TBX2: variants seen among roughly 807,000 people sequenced by gnomAD.
TBX2 encodes the protein T-box transcription factor 2.
A neutral mutation model predicts 48.4 loss-of-function variants in TBX2; 19 were observed. The observed-to-expected ratio is 0.39, with a 90% CI of 0.27 to 0.58. TBX2 has a LOEUF of 0.58. Ranked by LOEUF, TBX2 falls within the 20% of genes least tolerant of loss-of-function variation. The probability of loss-of-function intolerance (pLI) is 0.54; values close to 1 mark genes in which losing one functional copy is unlikely to be tolerated. For missense variants in TBX2, 994 were observed against 1,006.5 expected, an observed-to-expected ratio of 0.99 and a Z score of 0.17; for synonymous variants, 522 against 459.7, an observed-to-expected ratio of 1.14 and a Z score of -1.73.
chr17:61,400,119 C>T lies in TBX2; in HGVS notation c.-58C>T. 1 of 940,830 alleles carries T rather than the reference C, an allele frequency of 1.1e-6. No homozygotes were observed. Among genetic ancestry groups the T allele is most frequent in the Non-Finnish European group, 1.3e-6 (1 of 792,004 alleles). 58.3% of individuals were successfully genotyped at this position (940,830 alleles called of 1,614,324 possible). A position where few individuals can be genotyped will look rare whatever the true frequency, so the allele number is the denominator to read the frequency against. ...CGCGCCGCCGCCCGGGCCGGGGGTC[C>T]GAGCCGCGCGCCCCCGGCCCCGGCC... is the stretch of plus-strand genomic sequence containing the variant. On this transcript the variant is annotated 5_prime_UTR_variant, in exon 1 of 7. Transcript: ENST00000240328. The surrounding 1 kb of genome is among the most constrained non-coding windows in gnomAD (Gnocchi z 9.2).
In TBX2 at chr17:61,400,020, C is replaced by T. The variant is rs1438717547; in HGVS notation, c.-157C>T. ...GCCCCCGCGCACAGAGCCGGGTGCC[C>T]CTTGCGGTGCGCCGGACGGGAAGCC... On this transcript the variant is annotated 5_prime_UTR_variant, in exon 1 of 7. Coordinates refer to ENST00000240328, the MANE Select transcript of TBX2 (RefSeq NM_005994.4). The surrounding 1 kb of genome is among the most constrained non-coding windows in gnomAD (Gnocchi z 9.2). 4.6e-6 allele frequency: 1 copy of T among 217,140 alleles called. No homozygotes were observed. The highest frequency in any genetic ancestry group is 7.8e-6 in the Non-Finnish European group (1 of 128,394). The allele number at this position is 217,140 out of a possible 1,614,324, so 13.5% of individuals were successfully genotyped here.
At position 61,405,338 on chromosome 17, in the gene TBX2, C is replaced by T. The variant is rs749160198; in HGVS notation, c.1188C>T (p.Ala396=). 9.8e-5 allele frequency: 151 copies of T among 1,545,624 alleles called. No homozygotes were observed. Among genetic ancestry groups the T allele is most frequent in the Non-Finnish European group, 1.2e-4 (144 of 1,152,218 alleles). ...CTCGCTTGACCGAACCCGAGCGCGC[C>T]CGGGAGCGGCGTAGTCCCGAGAGGG... ...SPTRLTEPER[A]RERRSPERGK... is the part of the protein sequence containing the mutation. The change falls in exon 6 of 7, where the codon GCC becomes GCT. Residue 396 remains alanine, a synonymous_variant. Transcript: ENST00000240328.
Position 61,400,214 on chromosome 17 carries a change from A to C in TBX2, c.38A>C (p.Tyr13Ser). 1 of 1,208,534 alleles carries C rather than the reference A, an allele frequency of 8.3e-7. No homozygotes were observed. The highest frequency in any genetic ancestry group is 1.1e-6 in the Non-Finnish European group (1 of 948,442). 74.9% of individuals were successfully genotyped at this position (1,208,534 alleles called of 1,614,324 possible). A position where few individuals can be genotyped will look rare whatever the true frequency, so the allele number is the denominator to read the frequency against. ...GCGCTGGCGGCCAGCGCCATGGCTTACCACCCGTTCCACGCGCCACGGCCC... is the reference window on the plus strand; with the variant it reads ...GCGCTGGCGGCCAGCGCCATGGCTTCCCACCCGTTCCACGCGCCACGGCCC... ...EPALAASAMA[Y>S]HPFHAPRPAD... The change falls in exon 1 of 7, where the codon TAC becomes TCC. Residue 13 changes from tyrosine to serine, a missense_variant. Transcript: ENST00000240328. The surrounding 1 kb of genome is among the most constrained non-coding windows in gnomAD (Gnocchi z 9.2).
In TBX2 at chr17:61,401,551, G is replaced by A. The variant is rs139021653; in HGVS notation, c.396-133G>A. On this transcript the variant is annotated intron_variant, in intron 1 of 6. Transcript: ENST00000240328. ...GTCCGGGCAGTGATGAGAGGGCAGA[G>A]CAGCCGACCACAGGGGAAACAGCCA... 784 of 1,288,270 alleles carry A rather than the reference G, an allele frequency of 6.1e-4. 3 individuals are homozygous for A. The African/African-American group carries it at 0.01, about 17-fold the overall frequency. The allele number at this position is 1,288,270 out of a possible 1,614,324, so 79.8% of individuals were successfully genotyped here. A position where few individuals can be genotyped will look rare whatever the true frequency, so the allele number is the denominator to read the frequency against.
chr17:61,403,332 C>A lies in TBX2; in HGVS notation c.810+125C>A. The A allele has an allele frequency of 7.0e-7, 1 of 1,427,922 alleles. No homozygotes were observed. The highest frequency in any genetic ancestry group is 1.3e-5 in the South Asian group (1 of 77,666). 88.5% of individuals were successfully genotyped at this position (1,427,922 alleles called of 1,614,324 possible). ...GATCCGCGCTCTTGCGGCCCGCCCC[C>A]GAGCACCGAGCCTCGCATCCATACG... On this transcript the variant is annotated intron_variant, in intron 3 of 6. Coordinates refer to ENST00000240328, the MANE Select transcript of TBX2 (RefSeq NM_005994.4). This position sits in a 1 kb window ranked among gnomAD's most constrained non-coding sequence, Gnocchi z 5.8.
At chr17:61,407,538 G>A (rs145913578) in intron 6 of TBX2, 3,118 of 152,966 alleles carry the variant, frequency 0.02, 56 homozygotes, top group Non-Finnish European at 0.031. Context: ...GTTGGCACCC[G>A]TGTCCTCCTC....
intron 2 of TBX2, among the ~76,000 whole-genome samples, chr17:61,402,298 G>A (rs1472604532): frequency 6.6e-6 from 1 of 152,242 alleles, no homozygotes; most frequent in East Asian, 1.9e-4. Flanking sequence ...TGGCCTGTAG[G>A]TGCCGAGCTT....
chr17:61,402,076 G>T (rs1321274039), intron 2 of TBX2, 125 bp downstream of exon 2: 19 of 1,395,986 alleles, frequency 1.4e-5, no homozygotes, highest in Non-Finnish European at 1.8e-5. Flanking sequence ...GAGTGCCCCT[G>T]CCCGGGTCAC....
chr17:61,401,714 C>T lies in TBX2; in HGVS notation c.426C>T (p.Val142=), dbSNP rs143073619. Residue 142 remains valine (V), a synonymous_variant, in exon 2 of 7, where the codon GTC becomes GTT. Transcript: ENST00000240328. ...TGTTCCCCCCCTTCAAGGTGCGAGTCAGCGGCCTGGACAAGAAGGCCAAGT... is the reference window on the plus strand; with the variant it reads ...TGTTCCCCCCCTTCAAGGTGCGAGTTAGCGGCCTGGACAAGAAGGCCAAGT... ...RRMFPPFKVR[V]SGLDKKAKYI... 77 of 1,612,708 alleles carry T rather than the reference C, an allele frequency of 4.8e-5. No individual in the cohort carries two copies. The highest frequency in any genetic ancestry group is 5.9e-5 in the Non-Finnish European group (70 of 1,179,904).
intron 1 of TBX2, among the ~76,000 whole-genome samples, 171 bp from the exon 2 acceptor site, chr17:61,401,513 C>A (rs563333220): frequency 2.0e-3 from 308 of 152,202 alleles, no homozygotes; most frequent in Middle Eastern, 0.01. Context: ...GAGCAACAAC[C>A]ACAGGTGGGG....
At position 61,403,593 on chromosome 17, in the gene TBX2, C is replaced by T. The variant is rs1441516568; in HGVS notation, c.810+386C>T. ...CCGAGGCAATCTGCCCAGGCTCTAC[C>T]GATGCTCAGAACCCGGGGCCCAGTT... On this transcript the variant is annotated intron_variant, in intron 3 of 6. Coordinates refer to ENST00000240328, the MANE Select transcript of TBX2 (RefSeq NM_005994.4). The surrounding 1 kb of genome is among the most constrained non-coding windows in gnomAD (Gnocchi z 5.8). Among the ~76,000 whole-genome samples the T allele has an allele frequency of 6.6e-6, 1 of 151,676 alleles. No homozygotes were observed. The highest frequency in any genetic ancestry group is 6.6e-5 in the Admixed American group (1 of 15,202).
rs1455553335 is a variant in TBX2 at position 61,403,487 on chromosome 17, T to G, written c.810+280T>G. ...TGTTTACTTAACAATTAGCTGAGAC[T>G]CCGGGCCCGCGCTGACATTTTTACA... is the stretch of plus-strand genomic sequence containing the variant. On this transcript the variant is annotated intron_variant, in intron 3 of 6. Coordinates refer to ENST00000240328, the MANE Select transcript of TBX2 (RefSeq NM_005994.4). The surrounding 1 kb of genome is among the most constrained non-coding windows in gnomAD (Gnocchi z 5.8). Among the ~76,000 whole-genome samples the G allele has an allele frequency of 6.6e-6, 1 of 152,218 alleles. No homozygotes were observed. Among genetic ancestry groups the G allele is most frequent in the African/African-American group, 2.4e-5 (1 of 41,456 alleles).
chr17:61,400,296 A>T lies in TBX2; in HGVS notation c.120A>T (p.Ala40=). 4 of 1,126,272 alleles carry T rather than the reference A, an allele frequency of 3.6e-6. No homozygotes were observed. The highest frequency in any genetic ancestry group is 4.4e-6 in the Non-Finnish European group (4 of 906,244). The allele number at this position is 1,126,272 out of a possible 1,614,324, so 69.8% of individuals were successfully genotyped here. The change falls in exon 1 of 7, where the codon GCA becomes GCT. Residue 40 remains alanine, a synonymous_variant. Coordinates refer to ENST00000240328, the MANE Select transcript of TBX2 (RefSeq NM_005994.4). The surrounding 1 kb of genome is among the most constrained non-coding windows in gnomAD (Gnocchi z 9.2). ...LAAAQPSFFP[A]LALPPGALAK... is the part of the protein sequence containing the mutation. ...CGGCGCAGCCCTCCTTCTTCCCGGC[A>T]CTCGCGCTGCCGCCCGGCGCGCTGG...
chr17:61,402,972 A>AGAGAGAGAGAGAC, intron 2 of TBX2, 89 bp from the exon 3 acceptor site: 1 of 734,890 alleles, frequency 1.4e-6, no homozygotes, highest in Non-Finnish European at 1.8e-6. Context: ...GAGAGAGAGA[A>AGAGAGAGAGAGAC]AGTGGAGAGG....
Position 61,404,715 on chromosome 17 carries a change from C to T in TBX2, c.997C>T (p.Pro333Ser). Residue 333 changes from proline to serine, a missense_variant, in exon 5 of 7, where the codon CCA becomes TCA. By Grantham distance (74) the Pro-to-Ser change is moderately conservative. This residue lies in a region of TBX2 where 639 missense variants were observed against 613.2 expected (regional missense o/e 1.04). Transcript: ENST00000240328. Reference protein sequence around the residue: ...SSCDPPPAREPPTSPGAAPSP... With the variant: ...SSCDPPPARESPTSPGAAPSP... ...GTGCGACCCTCCCCCCGCGCGGGAA[C>T]CACCCACCTCCCCGGGCGCAGCGCC... 1 of 1,560,592 alleles carries T rather than the reference C, an allele frequency of 6.4e-7. No individual in the cohort carries two copies. The highest frequency in any genetic ancestry group is 8.7e-7 in the Non-Finnish European group (1 of 1,153,540).
Position 61,400,382 on chromosome 17 carries a change from C to T in TBX2, c.206C>T (p.Ala69Val), listed in dbSNP as rs533394938. 1.8e-5 allele frequency: 21 copies of T among 1,155,326 alleles called. No homozygotes were observed. In the South Asian group the frequency reaches 7.0e-4, roughly 39 times the overall value. 71.6% of individuals were successfully genotyped at this position (1,155,326 alleles called of 1,614,324 possible). Residue 69 changes from alanine to valine, a missense_variant, in exon 1 of 7, where the codon GCA becomes GTA. Around this residue, in one of 5 missense-constraint regions of TBX2, gnomAD observed 165 missense variants for 136.8 expected, o/e 1.21. Transcript: ENST00000240328. The surrounding 1 kb of genome is among the most constrained non-coding windows in gnomAD (Gnocchi z 9.2). ...GAAAAAAAAA[A>V]AAEAGLHVSA... ...GCGGCCGCGGCGGCGGCGGCGGCAG[C>T]AGCGGCCGAGGCGGGGCTGCACGTC...
At chr17:61,408,018 A>G in intron 6 of TBX2, 36 bp from the exon 7 acceptor site, 1 of 1,524,876 alleles carries the variant, frequency 6.6e-7, no homozygotes, top group Non-Finnish European at 8.8e-7. Context: ...ACTTCAGGCA[A>G]GATGTCTAAC....
At position 61,403,358 on chromosome 17, in the gene TBX2, C is replaced by G; in HGVS notation, c.810+151C>G. On this transcript the variant is annotated intron_variant, in intron 3 of 6. Coordinates refer to ENST00000240328, the MANE Select transcript of TBX2 (RefSeq NM_005994.4). The surrounding 1 kb of genome is among the most constrained non-coding windows in gnomAD (Gnocchi z 5.8). ...GAGCACCGAGCCTCGCATCCATACG[C>G]GCAGCACTCACGGAAGTCCTCAAGG... is the stretch of plus-strand genomic sequence containing the variant. 1.5e-6 allele frequency: 2 copies of G among 1,295,410 alleles called. No individual in the cohort carries two copies. The highest frequency in any genetic ancestry group is 1.4e-5 in the South Asian group (1 of 70,652). The allele number at this position is 1,295,410 out of a possible 1,614,324, so 80.2% of individuals were successfully genotyped here.
rs1209020482 is a variant in TBX2, at chr17:61,409,252, G to A, written c.*746G>A. 1 of 152,164 alleles carries A rather than the reference G, an allele frequency of 6.6e-6. No homozygotes were observed. The highest frequency in any genetic ancestry group is 1.5e-5 in the Non-Finnish European group (1 of 67,952). 9.4% of individuals were successfully genotyped at this position (152,164 alleles called of 1,614,324 possible). ...TTCATTTTACGTGAGCATCTATATT[G>A]TACAGGGCTGGGGGGGCCCTTGGCT... On this transcript the variant is annotated 3_prime_UTR_variant, in exon 7 of 7. Transcript: ENST00000240328.
Sources: allele counts gnomAD v4.1 joint callset (sites outside exome capture counted in the v4.1 genomes callset), GRCh38; gene constraint gnomAD v4.1.1; regional missense constraint gnomAD v4.1.1; non-coding constraint Gnocchi (gnomAD v3.1); transcripts MANE v1.5; gene names NCBI Gene and HGNC (gene_info 2026-07-23, HGNC 2026-07-21).